Variants in PLCB4 observed in about 807,000 individuals in gnomAD.
PLCB4 encodes the protein 1-phosphatidylinositol 4,5-bisphosphate phosphodiesterase beta-4.
PLCB4 carries 77 observed loss-of-function variants against 178.8 expected under a neutral mutation model. The ratio of observed to expected loss-of-function variants is 0.43; its 90% CI spans 0.36 to 0.52. The LOEUF (loss-of-function observed/expected upper bound fraction) is 0.52. PLCB4 is among the 20% of genes least tolerant of loss of function. The pLI is 0.00. For missense variants in PLCB4, 1,024 were observed against 1,453.4 expected, an observed-to-expected ratio of 0.70 and a Z score of 4.80; for synonymous variants, 496 against 490.8, an observed-to-expected ratio of 1.01 and a Z score of -0.14.
Position 9,194,671 on chromosome 20 carries a change from C to A in PLCB4, c.-78-22719C>A, listed in dbSNP as rs1242673776. On this transcript the variant is annotated intron_variant, in intron 2 of 39. Transcript: ENST00000378473. ...TTGCGCCACTGCACTCCAGCCTGGGCGACAGAGCAAGACTCCATCTCAAAA... is the reference window on the plus strand; with the variant it reads ...TTGCGCCACTGCACTCCAGCCTGGGAGACAGAGCAAGACTCCATCTCAAAA... Among the ~76,000 whole-genome samples, 13 of 124,656 alleles carry A rather than the reference C, an allele frequency of 1.0e-4. No individual in the cohort carries two copies. The South Asian group carries it at 2.8e-3, about 27-fold the overall frequency. 81.8% of individuals were successfully genotyped at this position (124,656 alleles called of 152,430 possible). A position where few individuals can be genotyped will look rare whatever the true frequency, so the allele number is the denominator to read the frequency against.
At chr20:9,166,776 T>C (rs1224110966) in intron 2 of PLCB4, 2 of 152,116 alleles carry the variant, frequency 1.3e-5, no homozygotes, top group Non-Finnish European at 2.9e-5. Context: ...AAGTTTATGG[T>C]TTCTGTTGTT....
At chr20:9,073,948 G>A (rs1341083334) in intron 1 of PLCB4, among the ~76,000 whole-genome samples, 2 of 151,972 alleles carry the variant, frequency 1.3e-5, no homozygotes, top group South Asian at 2.1e-4. Context: ...ACCATATTGC[G>A]AAGGGCATTC....
chr20:9,347,565 T>C (rs1280340673), intron 7 of PLCB4, among the ~76,000 whole-genome samples: 37 of 152,348 alleles, frequency 2.4e-4, no homozygotes, highest in African/African-American at 8.4e-4. Flanking sequence ...AGGAATATTT[T>C]TTTGATGAAA....
chr20:9,453,577 A>G, intron 33 of PLCB4, 115 bp downstream of exon 33: 2 of 608,402 alleles, frequency 3.3e-6, no homozygotes, highest in Admixed American at 3.1e-5. Context: ...GATTTTCATC[A>G]TTAAAAATTA....
chr20:9,242,068 A>G (rs894550888), intron 3 of PLCB4, among the ~76,000 whole-genome samples: 2 of 152,186 alleles, frequency 1.3e-5, no homozygotes, highest in Non-Finnish European at 2.9e-5. Context: ...TGGGAAGTCT[A>G]CATTTGGAAC....
chr20:9,075,053 CTTTA>C (rs1343265263), intron 1 of PLCB4, among the ~76,000 whole-genome samples: 3 of 152,050 alleles, frequency 2.0e-5, no homozygotes, highest in Admixed American at 6.6e-5. Context: ...AAATGTGCCA[CTTTA>C]TTTAATACTT....
chr20:9,349,235 T>C (rs931508977), intron 7 of PLCB4, among the ~76,000 whole-genome samples: 5 of 152,108 alleles, frequency 3.3e-5, no homozygotes, highest in Non-Finnish European at 7.4e-5. Context: ...TTCTACCTAC[T>C]TTCAAAACAT....
At chr20:9,457,341 C>A (rs1042924091) in intron 33 of PLCB4, 73 bp from the exon 34 acceptor site, 1 of 788,510 alleles carries the variant, frequency 1.3e-6, no homozygotes, top group Non-Finnish European at 2.3e-6. Flanking sequence ...CATCAGAAAG[C>A]TTTGTAGCAA....
intron 2 of PLCB4, among the ~76,000 whole-genome samples, chr20:9,173,658 C>T (rs1396580020): frequency 6.6e-6 from 1 of 152,138 alleles, no homozygotes; most frequent in Non-Finnish European, 1.5e-5. Flanking sequence ...AACTCTGTTT[C>T]TATTGTCACA....
At chr20:9,282,803 C>T (rs1182881366) in intron 3 of PLCB4, among the ~76,000 whole-genome samples, 2 of 152,044 alleles carry the variant, frequency 1.3e-5, no homozygotes, top group Admixed American at 1.3e-4. Flanking sequence ...TGGCCTCACT[C>T]ACTTTATTTG....
At chr20:9,436,023 A>G (rs2041745704) in intron 29 of PLCB4, among the ~76,000 whole-genome samples, 2 of 152,252 alleles carry the variant, frequency 1.3e-5, no homozygotes, top group South Asian at 4.1e-4. Context: ...CTGACATTGG[A>G]TAGTCATACC....
chr20:9,241,465 G>A (rs916494611), intron 3 of PLCB4, among the ~76,000 whole-genome samples: 1 of 151,818 alleles, frequency 6.6e-6, no homozygotes, highest in African/African-American at 2.4e-5. Context: ...ACCAAAAGCA[G>A]AATGGGAAAC....
At chr20:9,106,189 T>C (rs1475880969) in intron 2 of PLCB4, among the ~76,000 whole-genome samples, 2 of 152,026 alleles carry the variant, frequency 1.3e-5, no homozygotes, top group Admixed American at 1.3e-4. Flanking sequence ...TATAAAAAGA[T>C]GGTCAAATCT....
At chr20:9,466,033 T>C (rs958191518) in intron 35 of PLCB4, among the ~76,000 whole-genome samples, 2 of 152,176 alleles carry the variant, frequency 1.3e-5, no homozygotes, top group Non-Finnish European at 2.9e-5. Context: ...AACTTTAAAC[T>C]ATACTACAAG....
intron 27 of PLCB4, among the ~76,000 whole-genome samples, chr20:9,422,033 T>C (rs776612852): frequency 3.9e-5 from 6 of 152,244 alleles, no homozygotes; most frequent in Admixed American, 6.5e-5. Context: ...TGTTAATCTC[T>C]TATTCACCTT....
intron 2 of PLCB4, among the ~76,000 whole-genome samples, chr20:9,106,557 A>C (rs958306286): frequency 1.3e-5 from 2 of 151,968 alleles, no homozygotes; most frequent in African/African-American, 4.8e-5. Context: ...ACACACACAC[A>C]CACAAAATGT....
chr20:9,159,662 T>C (rs1296477836), intron 2 of PLCB4, among the ~76,000 whole-genome samples: 6 of 152,186 alleles, frequency 3.9e-5, no homozygotes, highest in African/African-American at 1.4e-4. Context: ...GAATTCTTAA[T>C]CAAGATGATT....
intron 3 of PLCB4, among the ~76,000 whole-genome samples, chr20:9,245,924 A>G (rs2094120677): frequency 6.6e-6 from 1 of 152,080 alleles, no homozygotes; most frequent in African/African-American, 2.4e-5. Flanking sequence ...GAGCCACAGC[A>G]CACGGCCAAT....
At chr20:9,369,870 T>C (rs1022835402) in intron 9 of PLCB4, among the ~76,000 whole-genome samples, 11 of 152,208 alleles carry the variant, frequency 7.2e-5, no homozygotes, top group African/African-American at 2.7e-4. Context: ...AATCCTTCTG[T>C]GCTCACAGGG....
Sources: gnomAD v4.1 joint callset for allele counts (sites outside exome capture counted in the v4.1 genomes callset) on GRCh38, gnomAD v4.1.1 for gene constraint, MANE v1.5 for transcripts, NCBI Gene and HGNC (gene_info 2026-07-23, HGNC 2026-07-21) for gene names.